The following RBM19 variants were observed in gnomAD, a reference collection of about 807,000 sequenced individuals.
RBM19 encodes RNA binding motif protein 19.
Under a neutral mutation model 116.8 loss-of-function variants are expected in RBM19, and 94 were observed. The ratio of observed to expected loss-of-function variants is 0.80; its 90% CI spans 0.68 to 0.95. The LOEUF (loss-of-function observed/expected upper bound fraction) is 0.95, where lower values mean the gene tolerates loss of function less well. RBM19 is among the 40% of genes least tolerant of loss of function. The pLI is 0.00. For missense variants in RBM19, 1,161 were observed against 1,220.7 expected (o/e 0.95, Z 0.73); for synonymous variants, 475 against 494.1 (o/e 0.96, Z 0.51).
chr12:113,897,634 A>G lies in RBM19; in HGVS notation c.2558+17335T>C, dbSNP rs545268536. ...CAAGACTGGCCTGGGCAATATAGCA[A>G]CACTCTGTCTCTTAAAAGCAAACAG... On this transcript the variant is annotated intron_variant, in intron 21 of 23. Coordinates refer to ENST00000261741, the MANE Select transcript of RBM19 (RefSeq NM_016196.4). 2.6e-5 allele frequency among the ~76,000 whole-genome samples: 4 copies of G among 152,336 alleles called. No individual in the cohort carries two copies. The South Asian group carries it at 8.3e-4, about 32-fold the overall frequency.
chr12:113,886,069 C>T (rs1880494756), intron 21 of RBM19, among the ~76,000 whole-genome samples: 2 of 151,872 alleles, frequency 1.3e-5, no homozygotes, highest in Non-Finnish European at 2.9e-5. Context: ...GACAGGGTTT[C>T]ACCATGTTAG....
At chr12:113,938,882 G>T (rs1329449318) in intron 15 of RBM19, among the ~76,000 whole-genome samples, 1 of 151,188 alleles carries the variant, frequency 6.6e-6, no homozygotes, top group African/African-American at 2.4e-5. Context: ...CAACCCTGCT[G>T]ACACCTTGAT....
intron 21 of RBM19, among the ~76,000 whole-genome samples, chr12:113,877,392 A>G (rs1386227326): frequency 6.6e-6 from 1 of 152,166 alleles, no homozygotes; most frequent in Non-Finnish European, 1.5e-5. Context: ...AGGTGGAGTT[A>G]GGGGGAGCCC....
chr12:113,891,258 G>A (rs1880944997), intron 21 of RBM19, among the ~76,000 whole-genome samples: 1 of 152,192 alleles, frequency 6.6e-6, no homozygotes, highest in African/African-American at 2.4e-5. Flanking sequence ...CAGGTGGGAC[G>A]CTGGTTGCTT....
intron 23 of RBM19, among the ~76,000 whole-genome samples, chr12:113,843,055 T>G (rs1306166014): frequency 1.3e-5 from 2 of 152,178 alleles, no homozygotes; most frequent in African/African-American, 4.8e-5. Context: ...GGGGATGCAG[T>G]CCTGCTGCAT....
At chr12:113,887,634 CAAAAAA>C (rs35665613) in intron 21 of RBM19, among the ~76,000 whole-genome samples, 11 of 71,176 alleles carry the variant, frequency 1.5e-4, no homozygotes, top group African/African-American at 3.0e-4. Context: ...GACTCCATCT[CAAAAAA>C]AAAAAAAAAA....
chr12:113,902,878 T>C (rs930523243), intron 21 of RBM19, among the ~76,000 whole-genome samples: 3 of 152,150 alleles, frequency 2.0e-5, no homozygotes, highest in Non-Finnish European at 4.4e-5. Flanking sequence ...ATTCCTTTTA[T>C]GGGGGGGTTA....
At chr12:113,877,052 C>T (rs766918958) in intron 21 of RBM19, among the ~76,000 whole-genome samples, 7 of 152,200 alleles carry the variant, frequency 4.6e-5, no homozygotes, top group African/African-American at 7.2e-5. Flanking sequence ...GCACTTGGAG[C>T]CCACCAAGGT....
At chr12:113,943,133 C>A (rs1290482906) in intron 13 of RBM19, among the ~76,000 whole-genome samples, 1 of 152,210 alleles carries the variant, frequency 6.6e-6, no homozygotes, top group Non-Finnish European at 1.5e-5. Flanking sequence ...TGCTGACCAG[C>A]CCACCCTTGC....
At chr12:113,965,349 A>AC (rs1872787591) in intron 1 of RBM19, among the ~76,000 whole-genome samples, 1 of 150,750 alleles carries the variant, frequency 6.6e-6, no homozygotes, top group Non-Finnish European at 1.5e-5. Context: ...GAGAGAGAAA[A>AC]AAAAGAGATA....
At chr12:113,855,386 C>A (rs1332028352) in intron 22 of RBM19, among the ~76,000 whole-genome samples, 2 of 152,216 alleles carry the variant, frequency 1.3e-5, no homozygotes, top group Non-Finnish European at 2.9e-5. Context: ...AGCTTAGCTG[C>A]CCCCTCCTTT....
chr12:113,866,116 T>C (rs1401076522), intron 21 of RBM19, among the ~76,000 whole-genome samples: 1 of 152,194 alleles, frequency 6.6e-6, no homozygotes, highest in Non-Finnish European at 1.5e-5. Flanking sequence ...AATGGAGGCA[T>C]ATTTAGGAGT....
At chr12:113,830,372 TTATTAA>T (rs1216152238) in intron 23 of RBM19, among the ~76,000 whole-genome samples, 5 of 151,982 alleles carry the variant, frequency 3.3e-5, no homozygotes, top group Non-Finnish European at 7.4e-5. Flanking sequence ...ATGACTGATG[TTATTAA>T]TCTTGGTGCT....
intron 19 of RBM19, among the ~76,000 whole-genome samples, chr12:113,918,661 T>G (rs927040419): frequency 3.9e-5 from 6 of 152,326 alleles, no homozygotes; most frequent in Admixed American, 3.3e-4. Flanking sequence ...ACTCAGCCCT[T>G]GGACGCTCTC....
intron 7 of RBM19, among the ~76,000 whole-genome samples, chr12:113,954,719 C>T (rs533298826): frequency 1.3e-5 from 2 of 152,364 alleles, no homozygotes; most frequent in African/African-American, 4.8e-5. Flanking sequence ...AAATCTGGCT[C>T]ACTGCCTGTT....
At chr12:113,910,671 C>T (rs148241423) in intron 21 of RBM19, among the ~76,000 whole-genome samples, 14 of 152,364 alleles carry the variant, frequency 9.2e-5, no homozygotes, top group African/African-American at 2.4e-4. Context: ...GGTTTAACAA[C>T]AGTCTTACCA....
intron 21 of RBM19, among the ~76,000 whole-genome samples, chr12:113,887,286 G>A (rs2135799903): frequency 6.6e-6 from 1 of 152,126 alleles, no homozygotes. Flanking sequence ...TGATCTAGAG[G>A]AGCCTTTCTC....
At chr12:113,820,142 A>G (rs55809149), downstream of RBM19, among the ~76,000 whole-genome samples, 1,322 of 151,898 alleles carry the variant, frequency 8.7e-3, 27 homozygotes, top group African/African-American at 0.03. Context: ...AGGAAGCAGA[A>G]GTTAAACCGG....
intron 15 of RBM19, among the ~76,000 whole-genome samples, chr12:113,939,409 G>A (rs1870345351): frequency 6.6e-6 from 1 of 152,190 alleles, no homozygotes; most frequent in Non-Finnish European, 1.5e-5. Flanking sequence ...AGAAAAGCTA[G>A]AGTCAGGCAA....
Sources: gnomAD v4.1 joint callset for allele counts (sites outside exome capture counted in the v4.1 genomes callset) on GRCh38, gnomAD v4.1.1 for gene constraint, MANE v1.5 for transcripts, NCBI Gene and HGNC (gene_info 2026-07-23, HGNC 2026-07-21) for gene names.